Variants in CLEC17A observed in about 807,000 individuals in gnomAD.
CLEC17A encodes C-type lectin domain family 17, member A.
In CLEC17A, 37 loss-of-function variants were observed where a neutral mutation model predicts 61.3. The observed-to-expected ratio is 0.60, with a 90% CI of 0.46 to 0.79. The LOEUF (loss-of-function observed/expected upper bound fraction) is 0.79, where lower values mean the gene tolerates loss of function less well. CLEC17A is among the 30% of genes least tolerant of loss of function. The probability of loss-of-function intolerance (pLI) is 0.00; values close to 1 mark genes in which losing one functional copy is unlikely to be tolerated. For synonymous variants in CLEC17A, 168 were observed against 164.9 expected (o/e 1.02, Z -0.14); for missense variants, 418 against 464.7 (o/e 0.90, Z 0.92).
chr19:14,592,156 G>A, intron 3 of CLEC17A, 125 bp from the exon 4 acceptor site: 1 of 1,305,932 alleles, frequency 7.7e-7, no homozygotes, highest in South Asian at 1.5e-5. Context: ...TGGGGCTGGG[G>A]CCCAGGTGTG....
In CLEC17A at chr19:14,594,616, A is replaced by G. The variant is rs1410449117; in HGVS notation, c.311-16A>G. 3.7e-6 allele frequency: 6 copies of G among 1,613,376 alleles called. No homozygotes were observed. In the African/African-American group the frequency reaches 8.0e-5, roughly 22 times the overall value. On this transcript the variant is annotated splice_polypyrimidine_tract_variant and intron_variant, in intron 5 of 13. Transcript: ENST00000417570. ...TGCCCTGCTCTGGCCCTGACCAACC[A>G]TTCCTCCCTCCTCAGCAAAGGAAAC...
At chr19:14,581,254 A>C (rs1391076946), upstream of CLEC17A, among the ~76,000 whole-genome samples, 1 of 152,168 alleles carries the variant, frequency 6.6e-6, no homozygotes, top group Admixed American at 6.5e-5. Flanking sequence ...GGTACATATT[A>C]GTTTCCTATA....
At position 14,601,191 on chromosome 19, in the gene CLEC17A, C is replaced by G. The variant is rs190159592; in HGVS notation, c.894+1009C>G. Among the ~76,000 whole-genome samples, 378 of 152,214 alleles carry G rather than the reference C, an allele frequency of 2.5e-3. 1 individual carries two copies. The highest frequency in any genetic ancestry group is 8.8e-3 in the African/African-American group (366 of 41,528). ...GTGCGGGGATTATAGGTGTGAGCCA[C>G]CACGCTGGGCTAGGAGGGGTTACTT... On this transcript the variant is annotated intron_variant, in intron 12 of 13. Coordinates refer to ENST00000417570, the MANE Select transcript of CLEC17A (RefSeq NM_001204118.2).
chr19:14,608,764 G>C (rs2074970039), intron 13 of CLEC17A, among the ~76,000 whole-genome samples: 1 of 150,272 alleles, frequency 6.7e-6, no homozygotes, highest in African/African-American at 2.5e-5. Context: ...CTATTGAGTA[G>C]CTGGGATTAC....
At chr19:14,587,188 C>A (rs1007750459) in intron 2 of CLEC17A, among the ~76,000 whole-genome samples, 3 of 151,814 alleles carry the variant, frequency 2.0e-5, no homozygotes, top group African/African-American at 7.3e-5. Flanking sequence ...CCACCACCCC[C>A]GGCCCATTGT....
intron 12 of CLEC17A, among the ~76,000 whole-genome samples, chr19:14,600,580 T>A (rs34174339): frequency 0.11 from 16,745 of 150,348 alleles, 1,020 homozygotes; most frequent in African/African-American, 0.16. Flanking sequence ...TTTATTTCTT[T>A]TCTTTTCTTT....
At chr19:14,581,801 C>T (rs955828927), upstream of CLEC17A, among the ~76,000 whole-genome samples, 30 of 151,670 alleles carry the variant, frequency 2.0e-4, no homozygotes, top group South Asian at 6.2e-4. Context: ...TACAGGTGCG[C>T]GCCACCATAT....
In CLEC17A at chr19:14,610,319, G is replaced by A. The variant is rs1214626203; in HGVS notation, c.*123G>A. On this transcript the variant is annotated 3_prime_UTR_variant, in exon 14 of 14. Coordinates refer to ENST00000417570, the MANE Select transcript of CLEC17A (RefSeq NM_001204118.2). The stretch of plus-strand genomic sequence containing the variant: ...ACACAGATGTGCCTCAAACAGGATT[G>A]GCACCCTGGATGCAGCAAGTTCCCA... The A allele has an allele frequency of 2.2e-6, 3 of 1,382,066 alleles. No individual in the cohort carries two copies. In the Admixed American group the frequency reaches 6.7e-5, roughly 31 times the overall value. The allele number at this position is 1,382,066 out of a possible 1,614,324, so 85.6% of individuals were successfully genotyped here. A position where few individuals can be genotyped will look rare whatever the true frequency, so the allele number is the denominator to read the frequency against.
intron 8 of CLEC17A, among the ~76,000 whole-genome samples, chr19:14,596,401 A>T (rs983242657): frequency 2.0e-5 from 3 of 152,150 alleles, no homozygotes; most frequent in African/African-American, 7.2e-5. Flanking sequence ...AGGCTGAAGC[A>T]GGGAGGATCT....
chr19:14,590,359 A>G (rs2074378617), intron 3 of CLEC17A, among the ~76,000 whole-genome samples: 1 of 151,488 alleles, frequency 6.6e-6, no homozygotes, highest in Non-Finnish European at 1.5e-5. Flanking sequence ...ATATAAAAAC[A>G]TATTTTAATG....
In CLEC17A at chr19:14,611,792, A is replaced by G. The variant is rs901140011; in HGVS notation, c.*1596A>G. 6.6e-6 allele frequency among the ~76,000 whole-genome samples: 1 copy of G among 152,158 alleles called. No homozygotes were observed. Among genetic ancestry groups the G allele is most frequent in the African/African-American group, 2.4e-5 (1 of 41,444 alleles). ...TGAGGTGGGCTGATCACCTGGGGTC[A>G]GGATTTCGAGACCAGCCTGGCCAAC... On this transcript the variant is annotated 3_prime_UTR_variant, in exon 14 of 14. Coordinates refer to ENST00000417570, the MANE Select transcript of CLEC17A (RefSeq NM_001204118.2).
chr19:14,596,704 C>T (rs1353943182), intron 8 of CLEC17A, among the ~76,000 whole-genome samples, 172 bp from the exon 9 acceptor site: 1 of 152,116 alleles, frequency 6.6e-6, no homozygotes, highest in Non-Finnish European at 1.5e-5. Flanking sequence ...TCAAAAAGAC[C>T]CTGAGCCTCC....
rs2074638253 is a variant in CLEC17A at position 14,599,169 on chromosome 19, C to T, written c.647-548C>T. ...GTGGTGTGATCTTGGCTCACTGCAA[C>T]CTCTGCCTTCCGGGTTCAAGTGATT... On this transcript the variant is annotated intron_variant, in intron 10 of 13. Transcript: ENST00000417570. 3.5e-5 allele frequency among the ~76,000 whole-genome samples: 5 copies of T among 143,384 alleles called. No homozygotes were observed. The Admixed American group carries it at 3.7e-4, about 11-fold the overall frequency. 94.1% of individuals were successfully genotyped at this position (143,384 alleles called of 152,430 possible).
chr19:14,602,681 G>A (rs7254215), intron 12 of CLEC17A, among the ~76,000 whole-genome samples: 126,563 of 152,082 alleles, frequency 0.83, 53,401 homozygotes, highest in African/African-American at 0.95. Flanking sequence ...CCTGTATGTC[G>A]TGTCCCTTCT....
At chr19:14,584,102 G>A (rs2074231777) in intron 2 of CLEC17A, 2 of 150,936 alleles carry the variant, frequency 1.3e-5, no homozygotes, top group Non-Finnish European at 2.9e-5. Flanking sequence ...TGGGCCGTGT[G>A]TGGTGGCACA....
rs1168014790 is a variant in CLEC17A, at chr19:14,594,497, C to G, written c.278-20C>G. 5 of 1,567,326 alleles carry G rather than the reference C, an allele frequency of 3.2e-6. No homozygotes were observed. Among genetic ancestry groups the G allele is most frequent in the Non-Finnish European group, 4.3e-6 (5 of 1,156,872 alleles). ...TTCCCATCCTCAGCCCAGCCCTCAC[C>G]CTGAGCTTCTCTTCTCCAGGTTCAA... On this transcript the variant is annotated intron_variant, in intron 4 of 13. Coordinates refer to ENST00000417570, the MANE Select transcript of CLEC17A (RefSeq NM_001204118.2).
rs1911236424 is a variant in CLEC17A, at chr19:14,583,145, G to A, written c.-16G>A. ...CCAAGCCCTGGCTGCCACTTGTCAGGTTCCCTGTGCTAGACATGCATAATC... is the reference window on the plus strand; with the variant it reads ...CCAAGCCCTGGCTGCCACTTGTCAGATTCCCTGTGCTAGACATGCATAATC... On this transcript the variant is annotated 5_prime_UTR_variant, in exon 1 of 14. Coordinates refer to ENST00000417570, the MANE Select transcript of CLEC17A (RefSeq NM_001204118.2). 3 of 1,613,908 alleles carry A rather than the reference G, an allele frequency of 1.9e-6. No homozygotes were observed. The Admixed American group carries it at 5.0e-5, about 27-fold the overall frequency.
rs922382582 is a variant in CLEC17A, at chr19:14,595,130, C to T, written c.404-144C>T. 53 of 938,084 alleles carry T rather than the reference C, an allele frequency of 5.6e-5. No individual in the cohort carries two copies. In the Middle Eastern group the frequency reaches 1.1e-3, roughly 20 times the overall value. The allele number at this position is 938,084 out of a possible 1,614,324, so 58.1% of individuals were successfully genotyped here. On this transcript the variant is annotated intron_variant, in intron 7 of 13. Coordinates refer to ENST00000417570, the MANE Select transcript of CLEC17A (RefSeq NM_001204118.2). ...CAGGTGATCCACCCGCCTCAGCCTC[C>T]GACAGTGCTGGAATTACAGGCGTGA...
At chr19:14,588,844 C>A (rs1241437537) in intron 3 of CLEC17A, among the ~76,000 whole-genome samples, 1 of 152,022 alleles carries the variant, frequency 6.6e-6, no homozygotes, top group African/African-American at 2.4e-5. Flanking sequence ...TATCCCCCAT[C>A]TCTGAGTCCA....
Sources: allele counts gnomAD v4.1 joint callset (sites outside exome capture counted in the v4.1 genomes callset), GRCh38; gene constraint gnomAD v4.1.1; transcripts MANE v1.5; gene names NCBI Gene and HGNC (gene_info 2026-07-23, HGNC 2026-07-21).